SLC41A2: variants seen among roughly 807,000 people sequenced by gnomAD.
The protein encoded by SLC41A2 is solute carrier family 41 member 2, also known as SLC41A1-like 1.
A neutral mutation model predicts 58.3 loss-of-function variants in SLC41A2; 32 were observed. That is an observed-to-expected ratio of 0.55 (90% confidence interval 0.41 to 0.74). The LOEUF (loss-of-function observed/expected upper bound fraction) is 0.74, where lower values mean the gene tolerates loss of function less well. Ranked by LOEUF, SLC41A2 falls within the 30% of genes least tolerant of loss-of-function variation. The pLI is 0.00. For synonymous variants in SLC41A2, 190 were observed against 235.0 expected, an observed-to-expected ratio of 0.81 and a Z score of 1.75; for missense variants, 514 against 680.6, an observed-to-expected ratio of 0.76 and a Z score of 2.72.
chr12:104,825,715 C>G (rs1468271262), intron 10 of SLC41A2, among the ~76,000 whole-genome samples: 1 of 152,172 alleles, frequency 6.6e-6, no homozygotes, highest in African/African-American at 2.4e-5. Flanking sequence ...CGATTCCAAG[C>G]TTCAGGCTGA....
At chr12:104,958,341 C>G (rs1056008194), upstream of SLC41A2, 3 of 148,362 alleles carry the variant, frequency 2.0e-5, no homozygotes, top group African/African-American at 7.3e-5. Context: ...GCCCCGCCCC[C>G]GCGCGGCAGC....
intron 10 of SLC41A2, among the ~76,000 whole-genome samples, chr12:104,807,170 G>A (rs916793962): frequency 6.6e-6 from 1 of 152,172 alleles, no homozygotes; most frequent in East Asian, 1.9e-4. Flanking sequence ...TATTGCCTAG[G>A]TTTTCTTCTA....
At position 104,846,710 on chromosome 12, in the gene SLC41A2, G is replaced by A. The variant is rs549342152; in HGVS notation, c.1256-736C>T. On this transcript the variant is annotated intron_variant, in intron 8 of 10. Transcript: ENST00000258538. ...AGAGCACAGATAGTTAAGCCTTCCA[G>A]GCTGCAGGCATACAGCCCTCCACGC... Among the ~76,000 whole-genome samples, 325 of 152,312 alleles carry A rather than the reference G, an allele frequency of 2.1e-3. 3 individuals are homozygous for A. Among genetic ancestry groups the A allele is most frequent in the African/African-American group, 7.6e-3 (316 of 41,564 alleles).
chr12:104,904,350 C>G (rs917172748), intron 3 of SLC41A2, among the ~76,000 whole-genome samples: 1 of 152,234 alleles, frequency 6.6e-6, no homozygotes, highest in African/African-American at 2.4e-5. Context: ...TAACTTTCTT[C>G]TTCAAATGTT....
intron 10 of SLC41A2, 101 bp from the exon 11 acceptor site, chr12:104,805,438 G>A (rs944896073): frequency 1.2e-6 from 1 of 859,098 alleles, no homozygotes; most frequent in Non-Finnish European, 1.7e-6. Flanking sequence ...GGGACCGTAT[G>A]TGTCTAAGTC....
chr12:104,940,344 G>A (rs966416117), intron 1 of SLC41A2, among the ~76,000 whole-genome samples: 1 of 74,214 alleles, frequency 1.3e-5, no homozygotes, highest in African/African-American at 8.1e-5. Flanking sequence ...TTTTAAAAAG[G>A]CTCACCTGGG....
Position 104,841,150 on chromosome 12 carries a change from C to G in SLC41A2, c.1536+3322G>C, listed in dbSNP as rs183953580. On this transcript the variant is annotated intron_variant, in intron 10 of 10. Transcript: ENST00000258538. The stretch of plus-strand genomic sequence containing the variant: ...TTTTACCCCTCCACTTCCACTTCCC[C>G]AGAAATCAAGTTATTTCATCTCTAA... Among the ~76,000 whole-genome samples the G allele has an allele frequency of 3.3e-5, 5 of 152,220 alleles. No individual in the cohort carries two copies. In the East Asian group the frequency reaches 9.6e-4, roughly 29 times the overall value.
intron 8 of SLC41A2, among the ~76,000 whole-genome samples, chr12:104,855,277 AC>A (rs1267020065): frequency 6.6e-6 from 1 of 152,222 alleles, no homozygotes; most frequent in African/African-American, 2.4e-5. Context: ...CTACAAAAAA[AC>A]ACCCATGTAC....
chr12:104,898,188 G>T (rs1718792225), intron 3 of SLC41A2, among the ~76,000 whole-genome samples: 1 of 152,110 alleles, frequency 6.6e-6, no homozygotes, highest in South Asian at 2.1e-4. Flanking sequence ...AGCTGAGGTG[G>T]CCAGAGCCTG....
chr12:104,822,853 A>C (rs535901026), intron 10 of SLC41A2, among the ~76,000 whole-genome samples: 6 of 152,268 alleles, frequency 3.9e-5, no homozygotes, highest in Non-Finnish European at 7.4e-5. Flanking sequence ...TGACATAAAA[A>C]AGGTTAAGAA....
intron 1 of SLC41A2, among the ~76,000 whole-genome samples, chr12:104,957,264 C>T (rs1304552844): frequency 6.6e-6 from 1 of 152,174 alleles, no homozygotes; most frequent in African/African-American, 2.4e-5. Context: ...TGTCTTTCGA[C>T]GCCAGACACA....
chr12:104,847,271 T>C (rs2042632042), intron 8 of SLC41A2, among the ~76,000 whole-genome samples: 1 of 151,952 alleles, frequency 6.6e-6, no homozygotes, highest in Non-Finnish European at 1.5e-5. Context: ...TAACAGGGAA[T>C]ATTACCAAGG....
chr12:104,953,894 G>A (rs902791716), intron 1 of SLC41A2, among the ~76,000 whole-genome samples: 1 of 152,166 alleles, frequency 6.6e-6, no homozygotes, highest in Non-Finnish European at 1.5e-5. Context: ...CAGTTAGCAT[G>A]GAGCAGCAAG....
chr12:104,910,205 TA>T (rs991512343), intron 2 of SLC41A2, among the ~76,000 whole-genome samples: 1 of 152,158 alleles, frequency 6.6e-6, no homozygotes, highest in African/African-American at 2.4e-5. Context: ...AATGAAGGAA[TA>T]AAGACTCAGA....
At chr12:104,824,566 A>T (rs1420677924) in intron 10 of SLC41A2, among the ~76,000 whole-genome samples, 1 of 152,230 alleles carries the variant, frequency 6.6e-6, no homozygotes, top group Non-Finnish European at 1.5e-5. Flanking sequence ...AAGTACACCA[A>T]GACAAGAACC....
chr12:104,952,451 T>C (rs1033929235), intron 1 of SLC41A2, among the ~76,000 whole-genome samples: 1 of 152,170 alleles, frequency 6.6e-6, no homozygotes, highest in Admixed American at 6.5e-5. Context: ...TTGGAATACC[T>C]GTAATGCTGG....
intron 2 of SLC41A2, among the ~76,000 whole-genome samples, chr12:104,915,344 A>G (rs184563571): frequency 2.0e-5 from 3 of 152,294 alleles, no homozygotes; most frequent in African/African-American, 7.2e-5. Context: ...CTTAGTTTGA[A>G]AATAAACCTT....
intron 5 of SLC41A2, among the ~76,000 whole-genome samples, chr12:104,888,224 AC>A (rs1421934777): frequency 6.6e-6 from 1 of 152,066 alleles, no homozygotes; most frequent in African/African-American, 2.4e-5. Flanking sequence ...AACTACTAAA[AC>A]AAAATGCTTG....
At chr12:104,870,895 A>C (rs1223870536) in intron 6 of SLC41A2, among the ~76,000 whole-genome samples, 6 of 152,156 alleles carry the variant, frequency 3.9e-5, no homozygotes, top group African/African-American at 1.2e-4. Context: ...ATTGATCTAA[A>C]TTTTCTGAGG....
Sources: allele counts gnomAD v4.1 joint callset (sites outside exome capture counted in the v4.1 genomes callset), GRCh38; gene constraint gnomAD v4.1.1; transcripts MANE v1.5; gene names NCBI Gene and HGNC (gene_info 2026-07-23, HGNC 2026-07-21).